STXBP5L: variants seen among roughly 807,000 people sequenced by gnomAD.
STXBP5L encodes syntaxin-binding protein 5-like.
Under a neutral mutation model 144.5 loss-of-function variants are expected in STXBP5L, and 65 were observed. The ratio of observed to expected loss-of-function variants is 0.45; its 90% CI spans 0.37 to 0.55. STXBP5L has a LOEUF of 0.55. Ranked by LOEUF, STXBP5L falls within the 20% of genes least tolerant of loss-of-function variation. STXBP5L has a pLI of 0.00. For missense variants in STXBP5L, 1,298 were observed against 1,405.5 expected (o/e 0.92, Z 1.22); for synonymous variants, 505 against 469.6 (o/e 1.08, Z -0.97).
intron 5 of STXBP5L, among the ~76,000 whole-genome samples, chr3:121,069,933 A>G (rs921943626): frequency 2.0e-5 from 3 of 152,152 alleles, no homozygotes; most frequent in African/African-American, 7.2e-5. Context: ...TAGGCATTTA[A>G]TGCTATGTAC....
intron 3 of STXBP5L, among the ~76,000 whole-genome samples, chr3:121,035,541 G>T (rs574214178): frequency 2.0e-5 from 3 of 149,352 alleles, no homozygotes; most frequent in East Asian, 4.0e-4. Flanking sequence ...TTATTTCTGG[G>T]TTCTCGATTC....
At chr3:121,225,292 G>A (rs894313885) in intron 11 of STXBP5L, among the ~76,000 whole-genome samples, 4 of 152,034 alleles carry the variant, frequency 2.6e-5, no homozygotes, top group Non-Finnish European at 5.9e-5. Context: ...ATTGGTGTTG[G>A]ATTGTGCCCC....
intron 5 of STXBP5L, among the ~76,000 whole-genome samples, chr3:121,093,599 C>T (rs1164248500): frequency 6.6e-6 from 1 of 152,214 alleles, no homozygotes; most frequent in Non-Finnish European, 1.5e-5. Flanking sequence ...GTTTATATTT[C>T]TGTGGGATCA....
intron 19 of STXBP5L, among the ~76,000 whole-genome samples, chr3:121,313,777 G>A (rs1222714287): frequency 1.1e-3 from 146 of 137,560 alleles, no homozygotes; most frequent in Non-Finnish European, 2.0e-3. Flanking sequence ...GCTGCCGGGC[G>A]GAGACGCTCC....
In STXBP5L at chr3:121,157,546, A is replaced by C; in HGVS notation, c.796A>C (p.Met266Leu). 6.2e-7 allele frequency: 1 copy of C among 1,602,210 alleles called. No homozygotes were observed. Among genetic ancestry groups the C allele is most frequent in the South Asian group, 1.1e-5 (1 of 88,728 alleles). ...TTGGCATCATGAGGGCAAACAGTTCATGTGCAGCCATTCAGATGGTAGTTT... is the reference window on the plus strand; with the variant it reads ...TTGGCATCATGAGGGCAAACAGTTCCTGTGCAGCCATTCAGATGGTAGTTT... ...IDWHHEGKQFMCSHSDGSLTL... is the reference protein window; with the variant it reads ...IDWHHEGKQFLCSHSDGSLTL... Residue 266 changes from methionine to leucine, a missense_variant, in exon 9 of 27, where the codon ATG (methionine) becomes CTG (leucine). Transcript: ENST00000471454.
At chr3:120,950,865 G>C (rs1224068983) in intron 2 of STXBP5L, among the ~76,000 whole-genome samples, 3 of 151,136 alleles carry the variant, frequency 2.0e-5, no homozygotes, top group Non-Finnish European at 3.0e-5. Flanking sequence ...TAAGCCAAAA[G>C]AACAAAGCTG....
intron 2 of STXBP5L, among the ~76,000 whole-genome samples, chr3:120,914,343 T>C (rs1285536909): frequency 6.6e-6 from 1 of 152,082 alleles, no homozygotes; most frequent in East Asian, 1.9e-4. Flanking sequence ...TAATCATTTA[T>C]AAACTGTTTT....
At chr3:121,051,786 A>G (rs1379448229) in intron 5 of STXBP5L, among the ~76,000 whole-genome samples, 1 of 152,224 alleles carries the variant, frequency 6.6e-6, no homozygotes, top group Non-Finnish European at 1.5e-5. Context: ...TCAAAAAATT[A>G]ATGAAGCCAG....
chr3:120,934,730 T>C (rs184910503), intron 2 of STXBP5L, among the ~76,000 whole-genome samples: 16 of 152,194 alleles, frequency 1.1e-4, no homozygotes, highest in Non-Finnish European at 2.4e-4. Flanking sequence ...TTAGCCCCTT[T>C]ATCATTACGT....
At chr3:120,951,703 G>A (rs1314135065) in intron 2 of STXBP5L, among the ~76,000 whole-genome samples, 1 of 151,880 alleles carries the variant, frequency 6.6e-6, no homozygotes, top group South Asian at 2.1e-4. Flanking sequence ...TTACACTGTT[G>A]TTGGGACTGT....
chr3:121,210,684 G>A (rs530983994), intron 10 of STXBP5L, among the ~76,000 whole-genome samples: 1 of 152,166 alleles, frequency 6.6e-6, no homozygotes, highest in Non-Finnish European at 1.5e-5. Flanking sequence ...TTATTAAATA[G>A]GGAATCCTTT....
intron 19 of STXBP5L, among the ~76,000 whole-genome samples, chr3:121,309,384 CAG>C (rs150024902): frequency 6.6e-6 from 1 of 152,012 alleles, no homozygotes; most frequent in African/African-American, 2.4e-5. Flanking sequence ...TTAAAGCAAA[CAG>C]AATGTCACTA....
chr3:121,113,279 T>C (rs557897781), intron 5 of STXBP5L, among the ~76,000 whole-genome samples: 65 of 152,324 alleles, frequency 4.3e-4, no homozygotes, highest in African/African-American at 1.5e-3. Flanking sequence ...CCACTGTCCC[T>C]GTAATTCAGA....
At chr3:121,191,391 C>A (rs2108165843) in intron 9 of STXBP5L, among the ~76,000 whole-genome samples, 1 of 152,284 alleles carries the variant, frequency 6.6e-6, no homozygotes, top group Middle Eastern at 3.4e-3. Context: ...ATATGAAAAC[C>A]AGTCAGGCGT....
intron 3 of STXBP5L, among the ~76,000 whole-genome samples, chr3:121,036,772 A>ATTTTTTTTTTTTTTTTTTTTT (rs3863971): frequency 2.5e-5 from 3 of 122,224 alleles, no homozygotes; most frequent in Non-Finnish European, 3.3e-5. Flanking sequence ...ACATTGATTG[A>ATTTTTTTTTTTTTTTTTTTTT]TTTTTTTTTT....
At chr3:121,050,542 T>G (rs1218037879) in intron 5 of STXBP5L, among the ~76,000 whole-genome samples, 1 of 151,810 alleles carries the variant, frequency 6.6e-6, no homozygotes, top group Non-Finnish European at 1.5e-5. Flanking sequence ...GCTGAGAGAT[T>G]TTGTCACCAC....
At chr3:121,120,455 A>T (rs1238129279) in intron 6 of STXBP5L, among the ~76,000 whole-genome samples, 6 of 151,266 alleles carry the variant, frequency 4.0e-5, no homozygotes, top group Non-Finnish European at 7.4e-5. Context: ...CAATTATCAC[A>T]TCAATCATAA....
chr3:121,397,334 A>G (rs796860383), intron 22 of STXBP5L, among the ~76,000 whole-genome samples: 5 of 152,364 alleles, frequency 3.3e-5, no homozygotes, highest in African/African-American at 1.2e-4. Flanking sequence ...AAATCAGTTA[A>G]CATTCTCCAT....
At chr3:120,921,050 C>T (rs1709336744) in intron 2 of STXBP5L, among the ~76,000 whole-genome samples, 1 of 151,872 alleles carries the variant, frequency 6.6e-6, no homozygotes, top group African/African-American at 2.4e-5. Context: ...GAGGAACCTC[C>T]ATACAGTTTT....
Sources: allele counts gnomAD v4.1 joint callset (sites outside exome capture counted in the v4.1 genomes callset), GRCh38; gene constraint gnomAD v4.1.1; transcripts MANE v1.5; gene names NCBI Gene and HGNC (gene_info 2026-07-23, HGNC 2026-07-21).